The following RAB11FIP3 variants were observed in gnomAD, a reference collection of about 807,000 sequenced individuals.
RAB11FIP3 encodes the protein rab11 family-interacting protein 3.
Under a neutral mutation model 77.8 loss-of-function variants are expected in RAB11FIP3, and 17 were observed. The observed-to-expected ratio is 0.22, with a 90% CI of 0.15 to 0.33. The LOEUF is 0.33. Among genes scored for constraint, RAB11FIP3 ranks in the 10% least tolerant of loss-of-function variants. RAB11FIP3 has a pLI of 1.00. For synonymous variants in RAB11FIP3, 437 were observed against 448.2 expected, an observed-to-expected ratio of 0.98 and a Z score of 0.31; for missense variants, 1,005 against 1,011.2, an observed-to-expected ratio of 0.99 and a Z score of 0.08.
intron 3 of RAB11FIP3, among the ~76,000 whole-genome samples, chr16:480,605 T>C (rs2056021253): frequency 6.6e-6 from 1 of 152,070 alleles, no homozygotes; most frequent in Non-Finnish European, 1.5e-5. Context: ...GTTCAAGCGA[T>C]TCTTCTGCCT....
At chr16:498,669 C>T (rs1349222793) in intron 6 of RAB11FIP3, among the ~76,000 whole-genome samples, 1 of 152,008 alleles carries the variant, frequency 6.6e-6, no homozygotes, top group Non-Finnish European at 1.5e-5. Context: ...CAGGCGCATG[C>T]CACCATACCC....
chr16:490,299 G>C (rs186264392), intron 5 of RAB11FIP3, among the ~76,000 whole-genome samples: 1 of 152,330 alleles, frequency 6.6e-6, no homozygotes, highest in Non-Finnish European at 1.5e-5. Context: ...AGAAGCCCTT[G>C]GAGGTGAAGT....
At chr16:495,455 G>A (rs561949626) in intron 5 of RAB11FIP3, among the ~76,000 whole-genome samples, 14 of 152,348 alleles carry the variant, frequency 9.2e-5, no homozygotes, top group Admixed American at 6.5e-5. Context: ...ACAGCTACCC[G>A]AATGGGGTCG....
At chr16:508,481 C>T (rs1484143403) in intron 8 of RAB11FIP3, among the ~76,000 whole-genome samples, 2 of 152,234 alleles carry the variant, frequency 1.3e-5, no homozygotes, top group Non-Finnish European at 2.9e-5. Flanking sequence ...TCAAGTGATT[C>T]TCCTGCCTCA....
chr16:498,051 A>G (rs944476196), intron 6 of RAB11FIP3, among the ~76,000 whole-genome samples: 1 of 151,866 alleles, frequency 6.6e-6, no homozygotes, highest in Admixed American at 6.6e-5. Flanking sequence ...CATAGGTGCA[A>G]GCATAGCTCA....
chr16:484,174 T>C (rs2056103725), intron 4 of RAB11FIP3, among the ~76,000 whole-genome samples: 1 of 152,174 alleles, frequency 6.6e-6, no homozygotes, highest in African/African-American at 2.4e-5. Flanking sequence ...TTTTTCAAAC[T>C]GACCATTCCC....
intron 2 of RAB11FIP3, among the ~76,000 whole-genome samples, chr16:465,648 C>T (rs532643864): frequency 8.5e-5 from 13 of 152,206 alleles, no homozygotes; most frequent in Non-Finnish European, 1.6e-4. Context: ...CTCGCTCTGT[C>T]GGCCAGGCTA....
intron 5 of RAB11FIP3, among the ~76,000 whole-genome samples, chr16:492,694 C>T (rs1345980699): frequency 6.6e-6 from 1 of 152,212 alleles, no homozygotes; most frequent in African/African-American, 2.4e-5. Context: ...GACTTGCCCT[C>T]CCACTCACCG....
chr16:476,832 T>G (rs185452657), intron 3 of RAB11FIP3, among the ~76,000 whole-genome samples: 13 of 150,866 alleles, frequency 8.6e-5, no homozygotes, highest in South Asian at 2.1e-4. Context: ...GGCTCAGGCC[T>G]GTAATCCCAG....
chr16:514,705 G>C lies in RAB11FIP3; in HGVS notation c.1640+3905G>C, dbSNP rs1240170449. Among the ~76,000 whole-genome samples, 1 of 152,206 alleles carries C rather than the reference G, an allele frequency of 6.6e-6. No individual in the cohort carries two copies. The highest frequency in any genetic ancestry group is 1.5e-5 in the Non-Finnish European group (1 of 68,024). On this transcript the variant is annotated intron_variant, in intron 9 of 13. Transcript: ENST00000262305. This position sits in a 1 kb window ranked among gnomAD's most constrained non-coding sequence, Gnocchi z 4.6. ...GTTCTAGGAAAGGCCAGGTACCTCT[G>C]GGAGTGGGGCCCCCAGGGGCTTCCA...
intron 6 of RAB11FIP3, chr16:497,568 C>A: frequency 2.3e-6 from 2 of 871,994 alleles, no homozygotes; most frequent in Non-Finnish European, 3.0e-6. Context: ...CCTCTGGAGC[C>A]TCCTCTCTGC....
chr16:510,849 A>G (rs1015147834), intron 9 of RAB11FIP3, 49 bp downstream of exon 9: 1 of 1,595,254 alleles, frequency 6.3e-7, no homozygotes, highest in Non-Finnish European at 8.5e-7. Flanking sequence ...CAGGCCAGGT[A>G]GGAGACGGTC....
rs146182256 is a variant in RAB11FIP3 at position 512,967 on chromosome 16, C to G, written c.1640+2167C>G. Reference sequence around the variant, plus strand: ...AAAGCGCTGGGATTACCAGCGTGAGCCACTGTGCCCGCCGAGGCACAAGCA... The same window carrying G: ...AAAGCGCTGGGATTACCAGCGTGAGGCACTGTGCCCGCCGAGGCACAAGCA... On this transcript the variant is annotated intron_variant, in intron 9 of 13. Coordinates refer to ENST00000262305, the MANE Select transcript of RAB11FIP3 (RefSeq NM_014700.4). Among the ~76,000 whole-genome samples, 4 of 151,672 alleles carry G rather than the reference C, an allele frequency of 2.6e-5. No individual in the cohort carries two copies. In the East Asian group the frequency reaches 8.0e-4, roughly 30 times the overall value.
intron 9 of RAB11FIP3, among the ~76,000 whole-genome samples, chr16:513,838 C>T (rs1286129947): frequency 6.6e-6 from 1 of 152,190 alleles, no homozygotes; most frequent in Non-Finnish European, 1.5e-5. Context: ...AGTGGGGCGC[C>T]GTCTTCTGGG....
intron 1 of RAB11FIP3, among the ~76,000 whole-genome samples, chr16:452,167 C>G (rs1214558212): frequency 6.6e-6 from 1 of 150,612 alleles, no homozygotes; most frequent in Non-Finnish European, 1.5e-5. Context: ...AAAAAGGAAA[C>G]AAACAAACAA....
chr16:464,744 G>GT (rs1258057331), intron 2 of RAB11FIP3, among the ~76,000 whole-genome samples: 1 of 152,138 alleles, frequency 6.6e-6, no homozygotes, highest in Non-Finnish European at 1.5e-5. Flanking sequence ...AAAAAATAAA[G>GT]TAGTTGAGCA....
intron 2 of RAB11FIP3, among the ~76,000 whole-genome samples, chr16:464,155 G>A (rs1021301869): frequency 1.3e-5 from 2 of 152,066 alleles, no homozygotes; most frequent in Non-Finnish European, 2.9e-5. Context: ...CAGAGTGGGT[G>A]GCCACAGACC....
At position 520,189 on chromosome 16, in the gene RAB11FIP3, G is replaced by T; in HGVS notation, c.1928G>T (p.Arg643Leu). Residue 643 changes from arginine to leucine, a missense_variant, in exon 12 of 14, where the codon CGG becomes CTG. By Grantham distance (102) the Arg-to-Leu change is moderately radical. Around this residue, in one of 4 missense-constraint regions of RAB11FIP3, gnomAD observed 433 missense variants for 436.1 expected, o/e 0.99. Coordinates refer to ENST00000262305, the MANE Select transcript of RAB11FIP3 (RefSeq NM_014700.4). ...CTCAAGCTGGAGGCCGAGCAGCGGC[G>T]GGGCCGCAGCAGCAGCATGGGCCTG... Reference protein sequence around the residue: ...QLLKLEAEQRRGRSSSMGLQE... With the variant: ...QLLKLEAEQRLGRSSSMGLQE... 1 of 1,545,618 alleles carries T rather than the reference G, an allele frequency of 6.5e-7. No individual in the cohort carries two copies.
At chr16:490,075 A>G (rs2030039806) in intron 5 of RAB11FIP3, among the ~76,000 whole-genome samples, 1 of 151,938 alleles carries the variant, frequency 6.6e-6, no homozygotes, top group Non-Finnish European at 1.5e-5. Flanking sequence ...ACCTCTTCCT[A>G]CGTGTTTAGT....
Sources: allele counts gnomAD v4.1 joint callset (sites outside exome capture counted in the v4.1 genomes callset), GRCh38; gene constraint gnomAD v4.1.1; regional missense constraint gnomAD v4.1.1; non-coding constraint Gnocchi (gnomAD v3.1); transcripts MANE v1.5; gene names NCBI Gene and HGNC (gene_info 2026-07-23, HGNC 2026-07-21).